Variants in NLRP1 observed in about 807,000 individuals in gnomAD.
The protein encoded by NLRP1 is NLR family pyrin domain containing 1.
NLRP1 carries 94 observed loss-of-function variants against 136.7 expected under a neutral mutation model. The ratio of observed to expected loss-of-function variants is 0.69; its 90% CI spans 0.58 to 0.82. NLRP1 has a LOEUF of 0.82. NLRP1 is among the 40% of genes least tolerant of loss of function. NLRP1 has a pLI of 0.00. For missense variants in NLRP1, 1,575 were observed against 1,802.7 expected, an observed-to-expected ratio of 0.87 and a Z score of 2.29; for synonymous variants, 690 against 725.1, an observed-to-expected ratio of 0.95 and a Z score of 0.78.
At position 5,541,813 on chromosome 17, in the gene NLRP1, C is replaced by G; in HGVS notation, c.2699+44G>C. 1 of 1,594,164 alleles carries G rather than the reference C, an allele frequency of 6.3e-7. No homozygotes were observed. The highest frequency in any genetic ancestry group is 8.6e-7 in the Non-Finnish European group (1 of 1,164,652). The stretch of plus-strand genomic sequence containing the variant: ...TTACCCTCTGCCTGCCTCATGGTGG[C>G]AGGCAGTTCCCTCCACCTCCCCCTG... On this transcript the variant is annotated intron_variant, in intron 6 of 16. Transcript: ENST00000572272. The surrounding 1 kb of genome is among the most constrained non-coding windows in gnomAD (Gnocchi z 4.2).
chr17:5,510,859 T>A (rs149115094), downstream of NLRP1, among the ~76,000 whole-genome samples: 1 of 152,206 alleles, frequency 6.6e-6, no homozygotes, highest in South Asian at 2.1e-4. Context: ...TGCTTGAGAA[T>A]AGATACTCTG....
rs1911207843 is a variant in NLRP1 at position 5,537,285 on chromosome 17, G to A, written c.2871-345C>T. Among the ~76,000 whole-genome samples, 1 of 152,236 alleles carries A rather than the reference G, an allele frequency of 6.6e-6. No individual in the cohort carries two copies. Among genetic ancestry groups the A allele is most frequent in the African/African-American group, 2.4e-5 (1 of 41,464 alleles). ...CCCCAACATTGGCCAGTCATCGGAT[G>A]TGGGCCTCCCCAGGAAGGAGATGTG... On this transcript the variant is annotated intron_variant, in intron 7 of 16. Coordinates refer to ENST00000572272, the MANE Select transcript of NLRP1 (RefSeq NM_033004.4). The surrounding 1 kb of genome is among the most constrained non-coding windows in gnomAD (Gnocchi z 4.5).
intron 3 of NLRP1, among the ~76,000 whole-genome samples, chr17:5,561,024 C>T (rs377584294): frequency 1.4e-4 from 22 of 152,294 alleles, no homozygotes; most frequent in Non-Finnish European, 2.8e-4. Context: ...TGTTCAGTGC[C>T]TCTCCCTTCT....
At position 5,582,946 on chromosome 17, in the gene NLRP1, G is replaced by T. The variant is rs1246679569; in HGVS notation, c.272-100C>A. The T allele has an allele frequency of 4.4e-6, 4 of 916,234 alleles. No homozygotes were observed. The African/African-American group carries it at 6.7e-5, about 15-fold the overall frequency. 56.8% of individuals were successfully genotyped at this position (916,234 alleles called of 1,614,324 possible). A position where few individuals can be genotyped will look rare whatever the true frequency, so the allele number is the denominator to read the frequency against. On this transcript the variant is annotated intron_variant, in intron 1 of 16. Coordinates refer to ENST00000572272, the MANE Select transcript of NLRP1 (RefSeq NM_033004.4). Reference sequence around the variant, plus strand: ...TCCTCTCTCAACCAAGAGAGGTCAGGATACACCAGTGAACCCGCTGCAGCC... The same window carrying T: ...TCCTCTCTCAACCAAGAGAGGTCAGTATACACCAGTGAACCCGCTGCAGCC...
chr17:5,570,396 C>T (rs1915745895), intron 3 of NLRP1, among the ~76,000 whole-genome samples: 1 of 151,606 alleles, frequency 6.6e-6, no homozygotes, highest in African/African-American at 2.4e-5. Flanking sequence ...GACAGAAGAT[C>T]CAAATAAACA....
chr17:5,549,523 A>G (rs552568426), intron 5 of NLRP1, among the ~76,000 whole-genome samples: 10 of 151,922 alleles, frequency 6.6e-5, no homozygotes, highest in African/African-American at 2.2e-4. Flanking sequence ...CAAGCAATCC[A>G]CCCACCTCAG....
In NLRP1 at chr17:5,561,476, G is replaced by T. The variant is rs11653202; in HGVS notation, c.653-1433C>A. 4.4e-5 allele frequency among the ~76,000 whole-genome samples: 2 copies of T among 45,378 alleles called. 1 individual carries two copies. The highest frequency in any genetic ancestry group is 2.2e-4 in the African/African-American group (2 of 9,092). The allele number at this position is 45,378 out of a possible 152,430, so 29.8% of individuals were successfully genotyped here. On this transcript the variant is annotated intron_variant, in intron 3 of 16. Coordinates refer to ENST00000572272, the MANE Select transcript of NLRP1 (RefSeq NM_033004.4). ...TTTTGAGACGGAGTCTCGCTCTGTC[G>T]CCCAGGCCGGACTGCGGACTGCAGT...
chr17:5,530,337 A>T (rs1048250439), intron 12 of NLRP1, 144 bp downstream of exon 12: 1 of 659,982 alleles, frequency 1.5e-6, no homozygotes, highest in Non-Finnish European at 2.7e-6. Flanking sequence ...GGAATGCAGG[A>T]AAATCTTAGT....
chr17:5,545,329 G>T (rs56127460), intron 5 of NLRP1, among the ~76,000 whole-genome samples: 2 of 89,956 alleles, frequency 2.2e-5, no homozygotes, highest in Non-Finnish European at 4.9e-5. Context: ...CTTACACACA[G>T]ACACACAGAC....
Position 5,558,653 on chromosome 17 carries a change from C to A in NLRP1, c.2043G>T (p.Glu681Asp), listed in dbSNP as rs146030920. 14 of 1,614,140 alleles carry A rather than the reference C, an allele frequency of 8.7e-6. No homozygotes were observed. The highest frequency in any genetic ancestry group is 4.5e-5 in the East Asian group (2 of 44,868). The change falls in exon 4 of 17, where the codon GAG (glutamate) becomes GAT (aspartate). Residue 681 changes from glutamate to aspartate, a missense_variant. Physicochemically the swap from Glu to Asp is conservative, Grantham distance 45. Transcript: ENST00000572272. ...AGATGTTCTCCATCTCTCTCTCCCCCTCATCACTTAACAGGCCCAATAGGA... is the reference window on the plus strand; with the variant it reads ...AGATGTTCTCCATCTCTCTCTCCCCATCATCACTTAACAGGCCCAATAGGA... ...TRFLLGLLSD[E>D]GEREMENIFH...
downstream of NLRP1, among the ~76,000 whole-genome samples, chr17:5,511,885 T>C (rs1422416340): frequency 2.7e-5 from 4 of 148,560 alleles, no homozygotes; most frequent in Non-Finnish European, 4.5e-5. Context: ...TTCTTTCTTC[T>C]TTCTCTCTGT....
At chr17:5,543,177 A>C (rs891139061) in intron 5 of NLRP1, among the ~76,000 whole-genome samples, 1 of 152,066 alleles carries the variant, frequency 6.6e-6, no homozygotes, top group Non-Finnish European at 1.5e-5. Flanking sequence ...AGGGTCTAGC[A>C]TACAGTAGGT....
At chr17:5,510,638 A>T (rs1051321438), downstream of NLRP1, among the ~76,000 whole-genome samples, 3 of 151,894 alleles carry the variant, frequency 2.0e-5, no homozygotes, top group African/African-American at 7.3e-5. Context: ...AAGTGCTAGG[A>T]TTACAGGCAT....
chr17:5,546,866 C>G (rs947641318), intron 5 of NLRP1, among the ~76,000 whole-genome samples: 2 of 152,186 alleles, frequency 1.3e-5, no homozygotes, highest in Admixed American at 1.3e-4. Context: ...GTACACTCTT[C>G]CATATGGAGA....
intron 14 of NLRP1, 76 bp from the exon 15 acceptor site, chr17:5,517,963 G>T: frequency 7.0e-7 from 1 of 1,436,112 alleles, no homozygotes; most frequent in Non-Finnish European, 9.7e-7. Flanking sequence ...CACCTTCTTG[G>T]CCCTGCTTGG....
At chr17:5,563,755 A>G (rs541092167) in intron 3 of NLRP1, among the ~76,000 whole-genome samples, 23 of 152,362 alleles carry the variant, frequency 1.5e-4, no homozygotes, top group African/African-American at 5.5e-4. Flanking sequence ...CAACATTTAA[A>G]TTCAGGAAAT....
intron 3 of NLRP1, among the ~76,000 whole-genome samples, chr17:5,567,549 A>G (rs1915467642): frequency 6.6e-6 from 1 of 152,028 alleles, no homozygotes; most frequent in African/African-American, 2.4e-5. Flanking sequence ...TGTAGTTATT[A>G]TTTTTGATTG....
chr17:5,574,945 T>C (rs1010412771), intron 3 of NLRP1, among the ~76,000 whole-genome samples: 1 of 152,100 alleles, frequency 6.6e-6, no homozygotes, highest in Non-Finnish European at 1.5e-5. Flanking sequence ...ATTACAGGTG[T>C]GAGCCACCAC....
rs1345912619 is a variant in NLRP1 at position 5,504,899 on chromosome 17, A to C, written c.4070-3027T>G. The C allele has an allele frequency of 1.3e-5, 2 of 153,434 alleles. No individual in the cohort carries two copies. Among genetic ancestry groups the C allele is most frequent in the Non-Finnish European group, 2.9e-5 (2 of 68,324 alleles). The allele number at this position is 153,434 out of a possible 1,614,324, so 9.5% of individuals were successfully genotyped here. A position where few individuals can be genotyped will look rare whatever the true frequency, so the allele number is the denominator to read the frequency against. On this transcript the variant is annotated intron_variant, in intron 15 of 15. Coordinates refer to the NLRP1 transcript ENST00000262467. The surrounding 1 kb of genome is among the most constrained non-coding windows in gnomAD (Gnocchi z 4.4). ...AGGCCACTTTTAGCTCGAAGTGTTC[A>C]TGCCCAGCTGAGGAAACAGGCTTTG... is the stretch of plus-strand genomic sequence containing the variant.
Sources: gnomAD v4.1 joint callset for allele counts (sites outside exome capture counted in the v4.1 genomes callset) on GRCh38, gnomAD v4.1.1 for gene constraint, Gnocchi (gnomAD v3.1) non-coding constraint, MANE v1.5 for transcripts, NCBI Gene and HGNC (gene_info 2026-07-23, HGNC 2026-07-21) for gene names.